The following SMURF1 variants were observed in gnomAD, a reference collection of about 807,000 sequenced individuals.
The protein encoded by SMURF1 is E3 ubiquitin-protein ligase SMURF1.
Under a neutral mutation model 98.0 loss-of-function variants are expected in SMURF1, and 44 were observed. That is an observed-to-expected ratio of 0.45 (90% CI 0.35 to 0.58). The LOEUF (loss-of-function observed/expected upper bound fraction) is 0.58. Ranked by LOEUF, SMURF1 falls within the 20% of genes least tolerant of loss-of-function variation. The pLI, the probability that SMURF1 is intolerant of heterozygous loss-of-function variation, is 0.00. For synonymous variants in SMURF1, 396 were observed against 374.9 expected, an observed-to-expected ratio of 1.06 and a Z score of -0.65; for missense variants, 687 against 938.4, an observed-to-expected ratio of 0.73 and a Z score of 3.50.
intron 1 of SMURF1, among the ~76,000 whole-genome samples, chr7:99,120,069 G>A (rs1243904099): frequency 2.6e-5 from 4 of 152,158 alleles, no homozygotes; most frequent in Admixed American, 1.3e-4. Flanking sequence ...TAATGAGTCA[G>A]TTCTTGCCCT....
chr7:99,093,616 A>G (rs1796864962), intron 1 of SMURF1, among the ~76,000 whole-genome samples: 1 of 151,982 alleles, frequency 6.6e-6, no homozygotes, highest in Admixed American at 6.5e-5. Context: ...TTCCATGCAA[A>G]AAAAAAAAAT....
At chr7:99,106,897 C>T (rs998987314) in intron 1 of SMURF1, among the ~76,000 whole-genome samples, 32 of 152,202 alleles carry the variant, frequency 2.1e-4, no homozygotes, top group South Asian at 8.3e-4. Context: ...TAATCACAGG[C>T]ACTACTGCGG....
At chr7:99,070,747 A>G (rs1796298328) in intron 1 of SMURF1, among the ~76,000 whole-genome samples, 2 of 152,130 alleles carry the variant, frequency 1.3e-5, no homozygotes. Flanking sequence ...ACGGAAGCAC[A>G]GGGCCTGGCA....
At chr7:99,071,703 G>A (rs1796326762) in intron 1 of SMURF1, among the ~76,000 whole-genome samples, 1 of 152,148 alleles carries the variant, frequency 6.6e-6, no homozygotes, top group African/African-American at 2.4e-5. Flanking sequence ...TCTCATTAAA[G>A]TCTATCTATA....
chr7:99,079,972 C>T (rs538365291), intron 1 of SMURF1, among the ~76,000 whole-genome samples: 13 of 149,124 alleles, frequency 8.7e-5, no homozygotes, highest in African/African-American at 2.0e-4. Flanking sequence ...AACCAGAAGC[C>T]GGTTCTTTTA....
chr7:99,116,422 A>G (rs1408597298), intron 1 of SMURF1, among the ~76,000 whole-genome samples: 1 of 152,144 alleles, frequency 6.6e-6, no homozygotes, highest in African/African-American at 2.4e-5. Context: ...AAGAAGTAAA[A>G]CTATCTCTAT....
chr7:99,090,206 C>T (rs1796778252), intron 1 of SMURF1, among the ~76,000 whole-genome samples: 1 of 152,136 alleles, frequency 6.6e-6, no homozygotes, highest in South Asian at 2.1e-4. Flanking sequence ...TGGCCTCCAG[C>T]GGGTGATCCG....
At chr7:99,076,376 A>C (rs1796459058) in intron 1 of SMURF1, among the ~76,000 whole-genome samples, 1 of 152,238 alleles carries the variant, frequency 6.6e-6, no homozygotes, top group Non-Finnish European at 1.5e-5. Flanking sequence ...AAGAGCATGA[A>C]ATTTTGACAG....
intron 6 of SMURF1, 92 bp downstream of exon 6, chr7:99,054,696 CAG>C: frequency 1.0e-6 from 1 of 1,003,348 alleles, no homozygotes; most frequent in Non-Finnish European, 1.6e-6. Flanking sequence ...AAGCATTCTG[CAG>C]AGTGACTTAA....
chr7:99,099,703 C>G (rs186620445), intron 1 of SMURF1, among the ~76,000 whole-genome samples: 2 of 152,262 alleles, frequency 1.3e-5, no homozygotes, highest in Non-Finnish European at 2.9e-5. Flanking sequence ...AGTGAGTTCT[C>G]ACTCTCACGG....
intron 1 of SMURF1, among the ~76,000 whole-genome samples, chr7:99,107,768 C>A (rs186373928): frequency 6.6e-6 from 1 of 152,158 alleles, no homozygotes; most frequent in African/African-American, 2.4e-5. Context: ...AAGTGGCATT[C>A]CCGGAGAAAA....
chr7:99,051,525 G>A, intron 7 of SMURF1, 84 bp from the exon 8 acceptor site: 1 of 1,048,442 alleles, frequency 9.5e-7, no homozygotes, highest in Non-Finnish European at 1.5e-6. Flanking sequence ...CTCACGTCTG[G>A]TATTATCTAA....
intron 1 of SMURF1, among the ~76,000 whole-genome samples, chr7:99,105,407 CA>C (rs1191939500): frequency 6.6e-6 from 1 of 152,180 alleles, no homozygotes; most frequent in Non-Finnish European, 1.5e-5. Context: ...TACCCAAACA[CA>C]AACACTAAAA....
chr7:99,035,871 A>C (rs1795116290), intron 15 of SMURF1, 155 bp from the exon 16 acceptor site: 1 of 728,812 alleles, frequency 1.4e-6, no homozygotes, highest in South Asian at 1.8e-5. Flanking sequence ...AGAAAGCTAC[A>C]AACAGGAGGC....
intron 13 of SMURF1, 115 bp from the exon 14 acceptor site, chr7:99,038,640 C>T (rs991755215): frequency 5.6e-6 from 7 of 1,260,746 alleles, no homozygotes; most frequent in East Asian, 2.4e-5. Context: ...AGGACAGCCT[C>T]GGGCAGACAC....
chr7:99,092,018 G>A (rs1281372285), intron 1 of SMURF1, among the ~76,000 whole-genome samples: 2 of 152,118 alleles, frequency 1.3e-5, no homozygotes, highest in Non-Finnish European at 2.9e-5. Context: ...GTGATGGATG[G>A]GCCAAATTAC....
intron 1 of SMURF1, among the ~76,000 whole-genome samples, chr7:99,119,730 TG>T (rs945212117): frequency 2.6e-5 from 4 of 152,214 alleles, no homozygotes; most frequent in Non-Finnish European, 5.9e-5. Context: ...TGGGGGCCTT[TG>T]GGCACTGACA....
Position 99,047,849 on chromosome 7 carries a change from C to T in SMURF1, c.987G>A (p.Pro329=), listed in dbSNP as rs757758378. The change falls in exon 10 of 18, where the codon CCG becomes CCA. Residue 329 remains proline, a synonymous_variant. Transcript: ENST00000361368. ...GAGAGCCCTCACTGGGCAGTGGCAG[C>T]GGCTGGCTGGGCTCCTTGAGTTGGC... ...HQCQLKEPSQ[P]LPLPSEGSLE... 46 of 1,613,966 alleles carry T rather than the reference C, an allele frequency of 2.9e-5. No individual in the cohort carries two copies. The highest frequency in any genetic ancestry group is 3.3e-4 in the Middle Eastern group (2 of 6,064).
chr7:99,059,416 AT>A (rs1563010589), intron 3 of SMURF1, among the ~76,000 whole-genome samples: 10 of 51,712 alleles, frequency 1.9e-4, no homozygotes, highest in East Asian at 5.8e-4. Context: ...ATAAAATAAA[AT>A]AAAATAAAAT....
Sources: allele counts gnomAD v4.1 joint callset (sites outside exome capture counted in the v4.1 genomes callset), GRCh38; gene constraint gnomAD v4.1.1; transcripts MANE v1.5; gene names NCBI Gene and HGNC (gene_info 2026-07-23, HGNC 2026-07-21).